The following C1QTNF3 variants were observed in gnomAD, a reference collection of about 807,000 sequenced individuals.
C1QTNF3 encodes the protein C1q and TNF related 3, also known as complement C1q tumor necrosis factor-related protein 3.
Under a neutral mutation model 32.6 loss-of-function variants are expected in C1QTNF3, and 26 were observed. The observed-to-expected ratio is 0.80, with a 90% CI of 0.58 to 1.11. The LOEUF (loss-of-function observed/expected upper bound fraction) is 1.11. Among genes scored for constraint, C1QTNF3 ranks in the 50% least tolerant of loss-of-function variants. The pLI is 0.00. For synonymous variants in C1QTNF3, 155 were observed against 146.0 expected (o/e 1.06, Z -0.44); for missense variants, 362 against 398.2 (o/e 0.91, Z 0.77).
chr5:34,202,190 C>G, the C1QTNF3 span, among the ~76,000 whole-genome samples: 1 of 151,844 alleles, frequency 6.6e-6, no homozygotes, highest in African/African-American at 2.4e-5. Context: ...AATTTTCTAA[C>G]CTCTTCAAAG....
At chr5:34,213,348 T>C in the C1QTNF3 span, among the ~76,000 whole-genome samples, 1 of 152,104 alleles carries the variant, frequency 6.6e-6, no homozygotes, top group African/African-American at 2.4e-5. Context: ...GACACAAGGC[T>C]ATATTTCATT....
the C1QTNF3 span, chr5:34,176,106 T>C: frequency 1.9e-6 from 1 of 530,870 alleles, no homozygotes; most frequent in Non-Finnish European, 3.4e-6. Context: ...GTAAAGACAG[T>C]CAGGGAGAAA....
the C1QTNF3 span, among the ~76,000 whole-genome samples, chr5:34,115,526 C>T: frequency 6.6e-6 from 1 of 152,092 alleles, no homozygotes; most frequent in African/African-American, 2.4e-5. Flanking sequence ...GTCAGGAGAT[C>T]GAGACCATCC....
chr5:34,137,882 T>C, the C1QTNF3 span, among the ~76,000 whole-genome samples: 4 of 152,228 alleles, frequency 2.6e-5, no homozygotes, highest in African/African-American at 7.2e-5. Context: ...AATTCATATA[T>C]TGAATCCCTA....
the C1QTNF3 span, among the ~76,000 whole-genome samples, chr5:34,218,742 C>T: frequency 2.6e-5 from 4 of 152,194 alleles, no homozygotes; most frequent in East Asian, 1.9e-4. Flanking sequence ...TCTAGGTAAA[C>T]GAGATATTTC....
the C1QTNF3 span, among the ~76,000 whole-genome samples, chr5:34,163,065 G>A: frequency 6.6e-6 from 1 of 152,008 alleles, no homozygotes; most frequent in Non-Finnish European, 1.5e-5. Flanking sequence ...GTGCACACAC[G>A]GATAAAAAAT....
chr5:34,144,652 TA>T, the C1QTNF3 span, among the ~76,000 whole-genome samples: 1 of 152,130 alleles, frequency 6.6e-6, no homozygotes, highest in Admixed American at 6.5e-5. Flanking sequence ...ACAAATACAT[TA>T]AAATTAAACA....
At chr5:34,213,786 C>CATAT in the C1QTNF3 span, among the ~76,000 whole-genome samples, 115 of 15,460 alleles carry the variant, frequency 7.4e-3, 12 homozygotes, top group African/African-American at 0.02. Flanking sequence ...TGTATATATA[C>CATAT]ATATATATAT....
At chr5:34,115,489 G>A in the C1QTNF3 span, among the ~76,000 whole-genome samples, 64 of 152,208 alleles carry the variant, frequency 4.2e-4, 1 homozygote, top group South Asian at 0.012. Context: ...TCAGCACTTT[G>A]GGAGGCCTAG....
chr5:34,123,992 T>C, the C1QTNF3 span, among the ~76,000 whole-genome samples: 7 of 152,224 alleles, frequency 4.6e-5, 1 homozygote, highest in Admixed American at 4.6e-4. Context: ...TGTGTCTTTT[T>C]TCTAACCTAA....
the C1QTNF3 span, among the ~76,000 whole-genome samples, chr5:34,174,738 T>A: frequency 6.6e-6 from 1 of 152,108 alleles, no homozygotes; most frequent in East Asian, 1.9e-4. Context: ...GATCTTATTG[T>A]CTTTGAAGAC....
At chr5:34,072,594 G>A in the C1QTNF3 span, among the ~76,000 whole-genome samples, 1 of 151,910 alleles carries the variant, frequency 6.6e-6, no homozygotes, top group Non-Finnish European at 1.5e-5. Flanking sequence ...TCATGGGATC[G>A]CAAGGAAAGG....
chr5:34,072,336 AT>A, the C1QTNF3 span, among the ~76,000 whole-genome samples: 3 of 148,734 alleles, frequency 2.0e-5, no homozygotes, highest in African/African-American at 5.0e-5. Context: ...TTGCAAAAAA[AT>A]AAAACAGTAC....
the C1QTNF3 span, among the ~76,000 whole-genome samples, chr5:34,189,273 A>G: frequency 6.6e-6 from 1 of 152,022 alleles, no homozygotes; most frequent in Admixed American, 6.6e-5. Flanking sequence ...CTGGAGTGCA[A>G]TGGTGCGATC....
At chr5:34,189,093 C>T in the C1QTNF3 span, among the ~76,000 whole-genome samples, 1 of 150,710 alleles carries the variant, frequency 6.6e-6, no homozygotes, top group African/African-American at 2.5e-5. Flanking sequence ...TTACTAGAGA[C>T]GGGGTTTCAC....
chr5:34,157,243 C>T, the C1QTNF3 span, among the ~76,000 whole-genome samples: 1 of 152,128 alleles, frequency 6.6e-6, no homozygotes, highest in Non-Finnish European at 1.5e-5. Context: ...TGCTGAGCTT[C>T]CTATTTCACA....
the C1QTNF3 span, among the ~76,000 whole-genome samples, chr5:34,196,801 A>T: frequency 2.6e-5 from 4 of 151,340 alleles, no homozygotes; most frequent in Non-Finnish European, 5.9e-5. Flanking sequence ...CTGGGACTGC[A>T]GGCGCCCGCC....
chr5:34,060,159 CT>C, the C1QTNF3 span, among the ~76,000 whole-genome samples: 1 of 152,212 alleles, frequency 6.6e-6, no homozygotes, highest in Non-Finnish European at 1.5e-5. Context: ...CTGCCTGACT[CT>C]GTAAGACTGG....
chr5:34,165,727 A>G, the C1QTNF3 span: 1 of 152,074 alleles, frequency 6.6e-6, no homozygotes, highest in African/African-American at 2.4e-5. Flanking sequence ...GTATGTAAGA[A>G]AATGGTTTTG....
Sources: gnomAD v4.1 joint callset for allele counts (sites outside exome capture counted in the v4.1 genomes callset) on GRCh38, gnomAD v4.1.1 for gene constraint, MANE v1.5 for transcripts, NCBI Gene and HGNC (gene_info 2026-07-23, HGNC 2026-07-21) for gene names.